RHPN2: variants seen among roughly 807,000 people sequenced by gnomAD.
The protein encoded by RHPN2 is rhophilin-2.
A neutral mutation model predicts 79.0 loss-of-function variants in RHPN2; 40 were observed. The ratio of observed to expected loss-of-function variants is 0.51; its 90% CI spans 0.39 to 0.66. RHPN2 has a LOEUF of 0.66. Ranked by LOEUF, RHPN2 falls within the 30% of genes least tolerant of loss-of-function variation. The pLI, the probability that RHPN2 is intolerant of heterozygous loss-of-function variation, is 0.00. For synonymous variants in RHPN2, 285 were observed against 363.5 expected, an observed-to-expected ratio of 0.78 and a Z score of 2.46; for missense variants, 686 against 883.5, an observed-to-expected ratio of 0.78 and a Z score of 2.83.
At chr19:33,064,756 C>G in intron 1 of RHPN2, 28 bp downstream of exon 1, 356 of 548,746 alleles carry the variant, frequency 6.5e-4, no homozygotes, top group Non-Finnish European at 1.1e-3. Flanking sequence ...GCCCGCAGGT[C>G]CCCGCCCGCC....
chr19:32,999,568 G>A lies in RHPN2; in HGVS notation c.1225+18C>T, dbSNP rs2040171308. 8 of 1,607,168 alleles carry A rather than the reference G, an allele frequency of 5.0e-6. No individual in the cohort carries two copies. Among genetic ancestry groups the A allele is most frequent in the African/African-American group, 1.3e-5 (1 of 74,672 alleles). On this transcript the variant is annotated intron_variant, in intron 10 of 14. Coordinates refer to ENST00000254260, the MANE Select transcript of RHPN2 (RefSeq NM_033103.5). Reference sequence around the variant, plus strand: ...GGCACCAAGTGGGGCCCACATCTGGGTGCAGGGGGACACGCACCCAGCTGT... The same window carrying A: ...GGCACCAAGTGGGGCCCACATCTGGATGCAGGGGGACACGCACCCAGCTGT...
At chr19:33,029,231 A>T (rs1467652364) in intron 2 of RHPN2, among the ~76,000 whole-genome samples, 3 of 152,118 alleles carry the variant, frequency 2.0e-5, no homozygotes, top group Non-Finnish European at 1.5e-5. Context: ...AATCAGAATA[A>T]AAGTCCAGGA....
chr19:33,049,828 A>G (rs1352584378), intron 1 of RHPN2, among the ~76,000 whole-genome samples: 1 of 152,126 alleles, frequency 6.6e-6, no homozygotes, highest in Non-Finnish European at 1.5e-5. Flanking sequence ...AGGCAGTAAA[A>G]GTTGGGGTGG....
Position 32,990,507 on chromosome 19 carries a change from C to T in RHPN2, c.1800+7G>A, listed in dbSNP as rs113377076. ...CACTGACTGCCCAGGGAGGTGTCAG[C>T]GCTCACCATGGATGATGTGGAGTCC... On this transcript the variant is annotated splice_region_variant and intron_variant, in intron 14 of 14. Coordinates refer to ENST00000254260, the MANE Select transcript of RHPN2 (RefSeq NM_033103.5). 3 of 1,613,482 alleles carry T rather than the reference C, an allele frequency of 1.9e-6. No individual in the cohort carries two copies. The highest frequency in any genetic ancestry group is 2.7e-5 in the African/African-American group (2 of 74,830).
chr19:33,042,851 C>T (rs1324629636), intron 2 of RHPN2, among the ~76,000 whole-genome samples: 1 of 152,078 alleles, frequency 6.6e-6, no homozygotes, highest in African/African-American at 2.4e-5. Context: ...GAGGCTGAGG[C>T]GGGTGGATCA....
At chr19:33,039,743 C>A (rs1009442183) in intron 2 of RHPN2, among the ~76,000 whole-genome samples, 2 of 151,596 alleles carry the variant, frequency 1.3e-5, no homozygotes, top group Non-Finnish European at 2.9e-5. Context: ...GAGGCTGAGG[C>A]AGGAGAATCA....
rs1416454805 is a variant in RHPN2 at position 32,979,783 on chromosome 19, A to T, written c.*213T>A. On this transcript the variant is annotated 3_prime_UTR_variant, in exon 15 of 15. Coordinates refer to ENST00000254260, the MANE Select transcript of RHPN2 (RefSeq NM_033103.5). ...TATATAATAAATAACTTACAGCAGT[A>T]TAGTAACACACCTCAAAAAAGTTCT... The T allele has an allele frequency of 5.1e-6, 3 of 593,716 alleles. No homozygotes were observed. In the East Asian group the frequency reaches 8.6e-5, roughly 17 times the overall value. 36.8% of individuals were successfully genotyped at this position (593,716 alleles called of 1,614,324 possible). A position where few individuals can be genotyped will look rare whatever the true frequency, so the allele number is the denominator to read the frequency against.
intron 1 of RHPN2, among the ~76,000 whole-genome samples, chr19:33,058,020 C>T (rs1972248295): frequency 6.6e-6 from 1 of 152,116 alleles, no homozygotes. Context: ...ATTAGCTGGG[C>T]ATGGTGGCGG....
chr19:33,038,560 C>T (rs1180342759), intron 2 of RHPN2, among the ~76,000 whole-genome samples: 3 of 151,994 alleles, frequency 2.0e-5, no homozygotes, highest in Non-Finnish European at 4.4e-5. Flanking sequence ...ATGATTGCAG[C>T]TCATTACAAC....
intron 14 of RHPN2, among the ~76,000 whole-genome samples, chr19:32,986,577 C>T (rs937860554): frequency 6.6e-6 from 1 of 151,998 alleles, no homozygotes; most frequent in Non-Finnish European, 1.5e-5. Context: ...AGATGGATCT[C>T]GAGGTCAGGA....
At chr19:33,045,001 C>A (rs920202794) in intron 1 of RHPN2, among the ~76,000 whole-genome samples, 3 of 152,068 alleles carry the variant, frequency 2.0e-5, no homozygotes, top group Non-Finnish European at 4.4e-5. Flanking sequence ...GACAGAAAGG[C>A]ACCCACACCC....
intron 1 of RHPN2, among the ~76,000 whole-genome samples, chr19:33,056,253 C>G (rs1652614645): frequency 2.0e-5 from 3 of 151,916 alleles, no homozygotes; most frequent in Middle Eastern, 6.8e-3. Context: ...GCTGGGATTA[C>G]AGGCATGCAC....
intron 4 of RHPN2, among the ~76,000 whole-genome samples, chr19:33,020,428 C>T (rs922530709): frequency 4.1e-5 from 6 of 147,174 alleles, no homozygotes; most frequent in African/African-American, 7.8e-5. Flanking sequence ...TGGGTTCAAG[C>T]GACTCTCTCG....
intron 6 of RHPN2, among the ~76,000 whole-genome samples, chr19:33,009,031 C>CAT: frequency 1.8e-5 from 2 of 109,112 alleles, no homozygotes; most frequent in South Asian, 3.2e-4. Flanking sequence ...CTACTGTATA[C>CAT]GCTGTGTGAT....
intron 4 of RHPN2, among the ~76,000 whole-genome samples, chr19:33,018,156 AAT>A (rs1302938108): frequency 6.6e-6 from 1 of 151,634 alleles, no homozygotes; most frequent in African/African-American, 2.4e-5. Context: ...TCATCTCAAA[AAT>A]ATATATATAC....
intron 2 of RHPN2, 31 bp from the exon 3 acceptor site, chr19:33,026,663 C>T: frequency 6.3e-7 from 1 of 1,597,650 alleles, no homozygotes; most frequent in Non-Finnish European, 8.5e-7. Flanking sequence ...GAGAAGTGCC[C>T]TCAGCCAGGT....
rs1430245643 is a variant in RHPN2, at chr19:33,018,912, TCCC to T, written c.390+2656_390+2658del. On this transcript the variant is annotated intron_variant, in intron 4 of 14. Coordinates refer to ENST00000254260, the MANE Select transcript of RHPN2 (RefSeq NM_033103.5). Reference sequence around the variant, plus strand: ...TAGGCATGATGGCGGGTGCCTGTAATCCCACCTACTCAGGAGGCTGAAGCAGGA... The same window carrying T: ...TAGGCATGATGGCGGGTGCCTGTAATACCTACTCAGGAGGCTGAAGCAGGA... Among the ~76,000 whole-genome samples the T allele has an allele frequency of 2.0e-5, 3 of 150,950 alleles. No individual in the cohort carries two copies. In the East Asian group the frequency reaches 5.9e-4, roughly 30 times the overall value.
chr19:32,982,080 C>T (rs1217148253), intron 14 of RHPN2, among the ~76,000 whole-genome samples: 3 of 152,040 alleles, frequency 2.0e-5, no homozygotes, highest in Admixed American at 1.3e-4. Flanking sequence ...TACAATATAT[C>T]GCTGCAATAG....
intron 2 of RHPN2, among the ~76,000 whole-genome samples, chr19:33,034,529 C>T (rs1194001077): frequency 6.8e-6 from 1 of 147,258 alleles, no homozygotes; most frequent in Non-Finnish European, 1.5e-5. Flanking sequence ...TGGCGTGAAC[C>T]TGGGAGGCAG....
Sources: allele counts gnomAD v4.1 joint callset (sites outside exome capture counted in the v4.1 genomes callset), GRCh38; gene constraint gnomAD v4.1.1; transcripts MANE v1.5; gene names NCBI Gene and HGNC (gene_info 2026-07-23, HGNC 2026-07-21).